Variants in MYO10 observed in about 807,000 individuals in gnomAD.
MYO10 encodes the protein unconventional myosin-X.
Under a neutral mutation model 257.3 loss-of-function variants are expected in MYO10, and 133 were observed. The observed-to-expected ratio is 0.52, with a 90% CI of 0.45 to 0.60. The LOEUF (loss-of-function observed/expected upper bound fraction) is 0.60, where lower values mean the gene tolerates loss of function less well. Among genes scored for constraint, MYO10 ranks in the 20% least tolerant of loss-of-function variants. The probability of loss-of-function intolerance (pLI) is 0.00; values close to 1 mark genes in which losing one functional copy is unlikely to be tolerated. For synonymous variants in MYO10, 1,104 were observed against 1,028.6 expected, an observed-to-expected ratio of 1.07 and a Z score of -1.40; for missense variants, 2,399 against 2,635.7, an observed-to-expected ratio of 0.91 and a Z score of 1.97.
chr5:16,846,665 C>T (rs1743643970), intron 2 of MYO10, among the ~76,000 whole-genome samples: 2 of 152,172 alleles, frequency 1.3e-5, no homozygotes, highest in South Asian at 2.1e-4. Flanking sequence ...GCAGGGACTG[C>T]CTTTGGGATG....
chr5:16,906,271 G>T (rs929297314), intron 1 of MYO10, among the ~76,000 whole-genome samples: 2 of 152,126 alleles, frequency 1.3e-5, no homozygotes, highest in African/African-American at 4.8e-5. Flanking sequence ...GGCGCTCCTA[G>T]GATGAAAAGA....
intron 21 of MYO10, among the ~76,000 whole-genome samples, chr5:16,705,657 G>A (rs551220959): frequency 6.6e-6 from 1 of 152,114 alleles, no homozygotes; most frequent in African/African-American, 2.4e-5. Context: ...CGTCATTCTG[G>A]CCTAAAATGG....
At chr5:16,896,397 A>C (rs138942422) in intron 1 of MYO10, among the ~76,000 whole-genome samples, 2,995 of 152,130 alleles carry the variant, frequency 0.02, 104 homozygotes, top group African/African-American at 0.068. Context: ...GGAGTTGGAG[A>C]CCAGCCTGGC....
At chr5:16,729,400 G>GT (rs1376622653) in intron 19 of MYO10, among the ~76,000 whole-genome samples, 1 of 151,270 alleles carries the variant, frequency 6.6e-6, no homozygotes, top group Non-Finnish European at 1.5e-5. Flanking sequence ...AAATATTTTT[G>GT]TATTTCTCTC....
At chr5:16,698,225 T>C (rs1664708473) in intron 26 of MYO10, among the ~76,000 whole-genome samples, 1 of 152,098 alleles carries the variant, frequency 6.6e-6, no homozygotes, top group Admixed American at 6.5e-5. Flanking sequence ...TAGCCTGGCA[T>C]GATGGTGTGC....
At chr5:16,882,262 TA>T (rs1342786576) in intron 1 of MYO10, among the ~76,000 whole-genome samples, 2 of 152,174 alleles carry the variant, frequency 1.3e-5, no homozygotes, top group African/African-American at 2.4e-5. Context: ...TTCCTGGATA[TA>T]ATAAAAGGGG....
chr5:16,734,157 C>T (rs1268506112), intron 19 of MYO10, among the ~76,000 whole-genome samples: 1 of 151,830 alleles, frequency 6.6e-6, no homozygotes, highest in Non-Finnish European at 1.5e-5. Context: ...CTCCTAAATC[C>T]AAGAAGCAGC....
At chr5:16,841,527 C>G (rs548442379) in intron 2 of MYO10, among the ~76,000 whole-genome samples, 3 of 152,216 alleles carry the variant, frequency 2.0e-5, no homozygotes, top group Non-Finnish European at 2.9e-5. Context: ...TTATTATGCA[C>G]GAGCAAGCAT....
At chr5:16,775,701 C>G (rs1443175276) in intron 9 of MYO10, among the ~76,000 whole-genome samples, 3 of 151,850 alleles carry the variant, frequency 2.0e-5, no homozygotes, top group African/African-American at 7.3e-5. Context: ...CTCCCAGGTT[C>G]AAGCAATTCT....
rs1430335858 is a variant in MYO10, at chr5:16,838,342, G to A, written c.121-20175C>T. Among the ~76,000 whole-genome samples the A allele has an allele frequency of 7.2e-5, 11 of 152,324 alleles. No individual in the cohort carries two copies. In the East Asian group the frequency reaches 2.1e-3, roughly 29 times the overall value. ...AAATGAATGAAAAGAAGGTAAAACA[G>A]TCTTGTTGCTGACATAGAGGAAGTT... On this transcript the variant is annotated intron_variant, in intron 2 of 40. Coordinates refer to ENST00000513610, the MANE Select transcript of MYO10 (RefSeq NM_012334.3).
At chr5:16,846,661 A>T (rs912370583) in intron 2 of MYO10, among the ~76,000 whole-genome samples, 2 of 152,220 alleles carry the variant, frequency 1.3e-5, no homozygotes, top group African/African-American at 2.4e-5. Flanking sequence ...TTGTGCAGGG[A>T]CTGCCTTTGG....
At chr5:16,833,808 T>C (rs1743226381) in intron 2 of MYO10, among the ~76,000 whole-genome samples, 1 of 152,188 alleles carries the variant, frequency 6.6e-6, no homozygotes, top group South Asian at 2.1e-4. Context: ...TGTTTCTTAG[T>C]GCAAACAGAG....
Position 16,689,810 on chromosome 5 carries a change from C to T in MYO10, c.3896+14G>A, listed in dbSNP as rs1298607547. On this transcript the variant is annotated intron_variant, in intron 28 of 40. Coordinates refer to ENST00000513610, the MANE Select transcript of MYO10 (RefSeq NM_012334.3). The stretch of plus-strand genomic sequence containing the variant: ...CAGGATGTGGGTAACACAAAGTCAA[C>T]AGCGCAGACTCACCTGGCATCTTCT... 10 of 1,596,414 alleles carry T rather than the reference C, an allele frequency of 6.3e-6. No homozygotes were observed. The highest frequency in any genetic ancestry group is 8.6e-6 in the Non-Finnish European group (10 of 1,164,098).
chr5:16,678,665 CAGG>C (rs1452031596), intron 33 of MYO10, among the ~76,000 whole-genome samples: 1 of 152,352 alleles, frequency 6.6e-6, no homozygotes, highest in East Asian at 1.9e-4. Context: ...ACTTTGGAAT[CAGG>C]AGGCCAATTT....
intron 2 of MYO10, among the ~76,000 whole-genome samples, chr5:16,867,350 A>T (rs920620416): frequency 1.3e-5 from 2 of 151,782 alleles, no homozygotes; most frequent in African/African-American, 4.8e-5. Flanking sequence ...CTTGCGGAAG[A>T]TTTTTCTGGG....
At chr5:16,755,750 T>A (rs1197496030) in intron 18 of MYO10, among the ~76,000 whole-genome samples, 1 of 151,024 alleles carries the variant, frequency 6.6e-6, no homozygotes, top group East Asian at 1.9e-4. Flanking sequence ...TTAGAGTTTT[T>A]AACATTTACC....
chr5:16,718,551 G>A (rs1288096672), intron 19 of MYO10, among the ~76,000 whole-genome samples: 3 of 151,370 alleles, frequency 2.0e-5, no homozygotes, highest in Admixed American at 1.3e-4. Context: ...TGGTGAGGAC[G>A]TGGAGAACCT....
At chr5:16,795,563 T>C (rs1741914329) in intron 3 of MYO10, among the ~76,000 whole-genome samples, 1 of 152,244 alleles carries the variant, frequency 6.6e-6, no homozygotes, top group South Asian at 2.1e-4. Context: ...ATAGTGCTAC[T>C]GCACTCCAGC....
At chr5:16,810,626 CTT>C (rs1283341461) in intron 3 of MYO10, among the ~76,000 whole-genome samples, 1 of 152,104 alleles carries the variant, frequency 6.6e-6, no homozygotes, top group Admixed American at 6.6e-5. Flanking sequence ...AGATCCCAGT[CTT>C]GACAAAAATT....
Sources: allele counts gnomAD v4.1 joint callset (sites outside exome capture counted in the v4.1 genomes callset), GRCh38; gene constraint gnomAD v4.1.1; transcripts MANE v1.5; gene names NCBI Gene and HGNC (gene_info 2026-07-23, HGNC 2026-07-21).